ZMYND8: variants seen among roughly 807,000 people sequenced by gnomAD.
ZMYND8 encodes zinc finger MYND-type containing 8.
A neutral mutation model predicts 140.8 loss-of-function variants in ZMYND8; 37 were observed. The observed-to-expected ratio is 0.26, with a 90% CI of 0.20 to 0.35. ZMYND8 has a LOEUF of 0.35. Ranked by LOEUF, ZMYND8 falls within the 10% of genes least tolerant of loss-of-function variation. The pLI, the probability that ZMYND8 is intolerant of heterozygous loss-of-function variation, is 1.00. For missense variants in ZMYND8, 1,068 were observed against 1,570.0 expected, an observed-to-expected ratio of 0.68 and a Z score of 5.40; for synonymous variants, 592 against 597.1, an observed-to-expected ratio of 0.99 and a Z score of 0.12.
chr20:47,245,758 A>G (rs554027776), intron 14 of ZMYND8, among the ~76,000 whole-genome samples: 1 of 152,354 alleles, frequency 6.6e-6, no homozygotes, highest in Admixed American at 6.5e-5. Flanking sequence ...TTCTGTACTC[A>G]AAATCAATCA....
At chr20:47,276,909 TTA>T in intron 10 of ZMYND8, 114 bp from the exon 11 acceptor site, 1 of 718,242 alleles carries the variant, frequency 1.4e-6, no homozygotes, top group Non-Finnish European at 1.8e-6. Context: ...TCTTATTCTA[TTA>T]AAAAAAAAAA....
chr20:47,256,455 T>C (rs1281536093), intron 12 of ZMYND8, among the ~76,000 whole-genome samples: 1 of 150,828 alleles, frequency 6.6e-6, no homozygotes, highest in Non-Finnish European at 1.5e-5. Flanking sequence ...CTGTCTCTAC[T>C]AAAAAATACA....
At chr20:47,276,232 T>G (rs2076248985) in intron 11 of ZMYND8, 82 bp downstream of exon 11, 5 of 1,452,792 alleles carry the variant, frequency 3.4e-6, no homozygotes, top group Admixed American at 2.3e-5. Context: ...GATGCTCACC[T>G]GCTTGGGCCC....
In ZMYND8 at chr20:47,299,590, CTTTTTT is replaced by C; in HGVS notation, c.235-649_235-644del. Among the ~76,000 whole-genome samples, 4 of 151,112 alleles carry C rather than the reference CTTTTTT, an allele frequency of 2.6e-5. No individual in the cohort carries two copies. The Middle Eastern group carries it at 0.014, about 514-fold the overall frequency. ...TAATTTTTTTTTTCTTTTTCTTTTT[CTTTTTT>C]TTCAGAGACGGAGTCTCGCTCTGTT... On this transcript the variant is annotated intron_variant, in intron 3 of 22. Coordinates refer to ENST00000471951, the MANE Select transcript of ZMYND8 (RefSeq NM_001281775.3).
intron 3 of ZMYND8, among the ~76,000 whole-genome samples, chr20:47,308,738 C>A (rs145033336): frequency 6.6e-6 from 1 of 152,114 alleles, no homozygotes; most frequent in South Asian, 2.1e-4. Context: ...CCCACAGCCA[C>A]GGAGCAAAAG....
intron 11 of ZMYND8, among the ~76,000 whole-genome samples, chr20:47,263,657 G>A (rs1357920941): frequency 1.3e-5 from 2 of 152,204 alleles, no homozygotes; most frequent in Non-Finnish European, 2.9e-5. Flanking sequence ...TTCAAGCCCC[G>A]GCTCAGCTGT....
At chr20:47,240,640 C>A (rs146910597) in intron 14 of ZMYND8, among the ~76,000 whole-genome samples, 79 of 151,800 alleles carry the variant, frequency 5.2e-4, no homozygotes, top group African/African-American at 1.9e-3. Flanking sequence ...CTGCAACCTC[C>A]GCCCTCTGAG....
At chr20:47,327,614 C>T (rs1207293124) in intron 2 of ZMYND8, among the ~76,000 whole-genome samples, 3 of 151,834 alleles carry the variant, frequency 2.0e-5, no homozygotes, top group African/African-American at 7.3e-5. Flanking sequence ...AGAGTTTGTG[C>T]CACTGCACTT....
chr20:47,227,962 G>A (rs750194462), intron 17 of ZMYND8, among the ~76,000 whole-genome samples: 51 of 152,132 alleles, frequency 3.4e-4, no homozygotes, highest in Middle Eastern at 3.4e-3. Context: ...GCATGGCGGC[G>A]CACGCCTGTA....
chr20:47,250,072 T>C (rs1486343352), intron 12 of ZMYND8, among the ~76,000 whole-genome samples: 1 of 152,166 alleles, frequency 6.6e-6, no homozygotes, highest in African/African-American at 2.4e-5. Context: ...AGATTAGCCC[T>C]GGATACTCAA....
At chr20:47,274,059 A>G (rs933992582) in intron 11 of ZMYND8, among the ~76,000 whole-genome samples, 2 of 106,318 alleles carry the variant, frequency 1.9e-5, no homozygotes, top group African/African-American at 9.0e-5. Context: ...CCTAAAAAGC[A>G]CTCAAAGAAT....
chr20:47,314,788 G>A (rs1458837694), intron 2 of ZMYND8, among the ~76,000 whole-genome samples: 1 of 152,182 alleles, frequency 6.6e-6, no homozygotes, highest in African/African-American at 2.4e-5. Context: ...AGCTAAGCAA[G>A]GGAGTCAGGC....
chr20:47,283,968 G>A (rs1167631778), intron 8 of ZMYND8, among the ~76,000 whole-genome samples: 1 of 151,964 alleles, frequency 6.6e-6, no homozygotes, highest in Non-Finnish European at 1.5e-5. Context: ...TGCTGCCCAG[G>A]CTGGAGTGCA....
At chr20:47,262,207 A>C in intron 12 of ZMYND8, 81 bp downstream of exon 12, 1 of 1,590,592 alleles carries the variant, frequency 6.3e-7, no homozygotes, top group East Asian at 2.2e-5. Flanking sequence ...AGGTTCAAGA[A>C]CCACATACAC....
intron 2 of ZMYND8, among the ~76,000 whole-genome samples, chr20:47,331,881 G>C (rs879690018): frequency 6.6e-6 from 1 of 152,196 alleles, no homozygotes; most frequent in Admixed American, 6.5e-5. Flanking sequence ...GGAGCTTGCA[G>C]GACAAAGACA....
intron 4 of ZMYND8, among the ~76,000 whole-genome samples, chr20:47,297,425 T>C (rs1291403805): frequency 1.3e-5 from 2 of 152,042 alleles, no homozygotes; most frequent in Non-Finnish European, 2.9e-5. Flanking sequence ...ATGTACCTTT[T>C]TTTTTTCTTT....
rs544835965 is a variant in ZMYND8 at position 47,214,786 on chromosome 20, C to T, written c.3485-2061G>A. On this transcript the variant is annotated intron_variant, in intron 21 of 22. Transcript: ENST00000471951. The stretch of plus-strand genomic sequence containing the variant: ...TTGGGATTATAGGCATGAGCCACCA[C>T]GCCTGACCTAAATGCGGGGCTAAAT... 6.4e-4 allele frequency among the ~76,000 whole-genome samples: 97 copies of T among 152,248 alleles called. 1 individual carries two copies. Among genetic ancestry groups the T allele is most frequent in the Non-Finnish European group, 1.4e-3 (92 of 68,020 alleles).
chr20:47,339,033 C>T (rs1202988588), intron 2 of ZMYND8, among the ~76,000 whole-genome samples: 2 of 148,158 alleles, frequency 1.3e-5, no homozygotes, highest in African/African-American at 2.5e-5. Flanking sequence ...AGTGCAGTGG[C>T]GTGATCTTGG....
chr20:47,236,704 C>A (rs1432639423), intron 15 of ZMYND8, among the ~76,000 whole-genome samples, 188 bp from the exon 16 acceptor site: 1 of 152,204 alleles, frequency 6.6e-6, no homozygotes, highest in East Asian at 1.9e-4. Flanking sequence ...CCTGGAAAGA[C>A]TTGAGCAAAC....
Sources: gnomAD v4.1 joint callset for allele counts (sites outside exome capture counted in the v4.1 genomes callset) on GRCh38, gnomAD v4.1.1 for gene constraint, MANE v1.5 for transcripts, NCBI Gene and HGNC (gene_info 2026-07-23, HGNC 2026-07-21) for gene names.